ALCAM: variants seen among roughly 807,000 people sequenced by gnomAD.
ALCAM encodes the protein activated leukocyte cell adhesion molecule, also known as CD166 antigen.
ALCAM carries 30 observed loss-of-function variants against 70.9 expected under a neutral mutation model. The observed-to-expected ratio is 0.42, with a 90% CI of 0.32 to 0.57. The LOEUF is 0.57. Among genes scored for constraint, ALCAM ranks in the 20% least tolerant of loss-of-function variants. The pLI, the probability that ALCAM is intolerant of heterozygous loss-of-function variation, is 0.11. For missense variants in ALCAM, 591 were observed against 695.1 expected, an observed-to-expected ratio of 0.85 and a Z score of 1.68; for synonymous variants, 249 against 242.5, an observed-to-expected ratio of 1.03 and a Z score of -0.25.
intron 1 of ALCAM, among the ~76,000 whole-genome samples, chr3:105,483,478 T>C (rs181218602): frequency 9.9e-5 from 15 of 152,180 alleles, no homozygotes; most frequent in African/African-American, 3.4e-4. Flanking sequence ...ATGGTCAAAT[T>C]AGTGACCTAA....
chr3:105,412,295 A>T (rs1936410486), intron 1 of ALCAM, among the ~76,000 whole-genome samples: 1 of 152,130 alleles, frequency 6.6e-6, no homozygotes. Context: ...AACAAAGAAC[A>T]TCAAGGTCAA....
chr3:105,560,431 T>G (rs1440306481), intron 14 of ALCAM, among the ~76,000 whole-genome samples: 1 of 152,174 alleles, frequency 6.6e-6, no homozygotes, highest in African/African-American at 2.4e-5. Context: ...TATTTTGCAT[T>G]AAAATCCTTT....
chr3:105,490,605 T>C (rs907528245), intron 1 of ALCAM, among the ~76,000 whole-genome samples: 3 of 152,166 alleles, frequency 2.0e-5, no homozygotes, highest in South Asian at 2.1e-4. Context: ...AAGCATGTTA[T>C]AGATTAGGAT....
chr3:105,479,775 A>AT (rs1938219552), intron 1 of ALCAM, among the ~76,000 whole-genome samples: 1 of 152,002 alleles, frequency 6.6e-6, no homozygotes, highest in Non-Finnish European at 1.5e-5. Flanking sequence ...AGCTGTTGAG[A>AT]TTTTGAATTA....
intron 1 of ALCAM, among the ~76,000 whole-genome samples, chr3:105,446,873 T>G (rs969123752): frequency 2.6e-5 from 4 of 151,996 alleles, no homozygotes; most frequent in African/African-American, 9.7e-5. Context: ...AGAGGAAGGA[T>G]GGGGAGAAAC....
At chr3:105,435,408 G>A (rs1937028689) in intron 1 of ALCAM, among the ~76,000 whole-genome samples, 1 of 152,156 alleles carries the variant, frequency 6.6e-6, no homozygotes, top group South Asian at 2.1e-4. Context: ...CCTGCTGGAC[G>A]TTTCTGAGAG....
At position 105,367,076 on chromosome 3, in the gene ALCAM, AAG is replaced by A. The variant is rs1386267806; in HGVS notation, c.-331_-330del. The A allele has an allele frequency of 4.1e-6, 1 of 242,750 alleles. No homozygotes were observed. The highest frequency in any genetic ancestry group is 8.2e-6 in the Non-Finnish European group (1 of 121,452). 15.0% of individuals were successfully genotyped at this position (242,750 alleles called of 1,614,324 possible). A position where few individuals can be genotyped will look rare whatever the true frequency, so the allele number is the denominator to read the frequency against. ...TATCATTCCAATACAAGGAAAATAAAAGAAGATACCAGCGAAAAGAACCGCTT... is the reference window on the plus strand; with the variant it reads ...TATCATTCCAATACAAGGAAAATAAAAAGATACCAGCGAAAAGAACCGCTT... On this transcript the variant is annotated 5_prime_UTR_variant, in exon 1 of 16. Transcript: ENST00000306107.
At chr3:105,402,852 CT>C (rs1398601389) in intron 1 of ALCAM, among the ~76,000 whole-genome samples, 2 of 151,986 alleles carry the variant, frequency 1.3e-5, no homozygotes, top group Admixed American at 1.3e-4. Context: ...CCCTATAGCC[CT>C]GCCCACCGTC....
At chr3:105,419,228 C>T (rs963724560) in intron 1 of ALCAM, among the ~76,000 whole-genome samples, 14 of 151,682 alleles carry the variant, frequency 9.2e-5, no homozygotes, top group Middle Eastern at 3.4e-3. Flanking sequence ...TACAGTGAGG[C>T]CAAAGGAATT....
chr3:105,386,410 T>C (rs1935656645), intron 1 of ALCAM, among the ~76,000 whole-genome samples: 1 of 151,550 alleles, frequency 6.6e-6, no homozygotes, highest in African/African-American at 2.4e-5. Flanking sequence ...AGTTACAGAT[T>C]TCTTTGTTTT....
chr3:105,505,758 G>A (rs539545614), intron 1 of ALCAM, among the ~76,000 whole-genome samples: 1 of 152,238 alleles, frequency 6.6e-6, no homozygotes, highest in Admixed American at 6.5e-5. Context: ...CTAATCAGAT[G>A]TTTAGCATAT....
chr3:105,522,638 G>A (rs1357805547), intron 2 of ALCAM, among the ~76,000 whole-genome samples: 1 of 152,068 alleles, frequency 6.6e-6, no homozygotes, highest in African/African-American at 2.4e-5. Context: ...TGCAGAAGAG[G>A]GATTGAAGGC....
intron 3 of ALCAM, among the ~76,000 whole-genome samples, chr3:105,529,096 G>T (rs1222181449): frequency 6.6e-6 from 1 of 152,076 alleles, no homozygotes; most frequent in Non-Finnish European, 1.5e-5. Context: ...ATAATTTTAA[G>T]CTACCATAGT....
chr3:105,535,952 T>C (rs1313520722), intron 6 of ALCAM, among the ~76,000 whole-genome samples: 1 of 152,118 alleles, frequency 6.6e-6, no homozygotes, highest in Non-Finnish European at 1.5e-5. Context: ...TCTTCCAAAG[T>C]TGCCCTAATA....
chr3:105,513,352 AC>A (rs1042941072), intron 1 of ALCAM: 1 of 151,948 alleles, frequency 6.6e-6, no homozygotes, highest in Non-Finnish European at 1.5e-5. Context: ...GCTTTTAGTG[AC>A]ATTTCAAATG....
At chr3:105,381,710 G>A (rs1288819909) in intron 1 of ALCAM, among the ~76,000 whole-genome samples, 1 of 151,764 alleles carries the variant, frequency 6.6e-6, no homozygotes, top group African/African-American at 2.4e-5. Flanking sequence ...GTGCTCGAAA[G>A]ACATTTATGT....
At chr3:105,453,588 A>T (rs187602566) in intron 1 of ALCAM, among the ~76,000 whole-genome samples, 17 of 152,276 alleles carry the variant, frequency 1.1e-4, no homozygotes, top group Admixed American at 1.1e-3. Flanking sequence ...AATTTAAAAT[A>T]GTTTTTTCTA....
chr3:105,535,616 A>C (rs1385276751), intron 6 of ALCAM, among the ~76,000 whole-genome samples: 2 of 152,176 alleles, frequency 1.3e-5, no homozygotes, highest in African/African-American at 2.4e-5. Flanking sequence ...AAGTGAAATC[A>C]CAAATCAAAA....
chr3:105,394,940 T>A (rs530192120), intron 1 of ALCAM, among the ~76,000 whole-genome samples: 48 of 152,090 alleles, frequency 3.2e-4, no homozygotes, highest in African/African-American at 1.1e-3. Context: ...TTTCTACTAA[T>A]GTGGAAAGTA....
Sources: gnomAD v4.1 joint callset for allele counts (sites outside exome capture counted in the v4.1 genomes callset) on GRCh38, gnomAD v4.1.1 for gene constraint, MANE v1.5 for transcripts, NCBI Gene and HGNC (gene_info 2026-07-23, HGNC 2026-07-21) for gene names.